MYT1L: variants seen among roughly 807,000 people sequenced by gnomAD.
MYT1L encodes myelin transcription factor 1 like, also known as myelin transcription factor 1-like protein.
In MYT1L, 12 loss-of-function variants were observed where a neutral mutation model predicts 126.7. The ratio of observed to expected loss-of-function variants is 0.09; its 90% confidence interval spans 0.06 to 0.15. The LOEUF is 0.15. Ranked by LOEUF, MYT1L falls within the 10% of genes least tolerant of loss-of-function variation. The pLI, the probability that MYT1L is intolerant of heterozygous loss-of-function variation, is 1.00. For synonymous variants in MYT1L, 541 were observed against 604.2 expected, an observed-to-expected ratio of 0.90 and a Z score of 1.53; for missense variants, 979 against 1,585.2, an observed-to-expected ratio of 0.62 and a Z score of 6.49.
chr2:2,057,316 C>G (rs1002136306), intron 3 of MYT1L, among the ~76,000 whole-genome samples: 2 of 151,436 alleles, frequency 1.3e-5, no homozygotes, highest in African/African-American at 4.9e-5. Context: ...TTCATCACCA[C>G]GCCCACTCCC....
At chr2:2,313,517 T>C (rs574091062) in intron 1 of MYT1L, among the ~76,000 whole-genome samples, 4 of 91,562 alleles carry the variant, frequency 4.4e-5, no homozygotes, top group South Asian at 4.2e-4. Context: ...AAAATACCTG[T>C]TTTTTTTTTT....
In MYT1L at chr2:1,810,709, A is replaced by G. The variant is rs377674858; in HGVS notation, c.3081-1542T>C. On this transcript the variant is annotated intron_variant, in intron 21 of 24. Transcript: ENST00000647738. ...AAAATTTAAGAAAACAGGAAAATTC[A>G]TAGCAGAAGAACTTGATCGTAATAC... Among the ~76,000 whole-genome samples, 13 of 152,356 alleles carry G rather than the reference A, an allele frequency of 8.5e-5. No homozygotes were observed. The East Asian group carries it at 1.7e-3, about 20-fold the overall frequency.
chr2:1,984,028 GAAT>G (rs2060814807), intron 5 of MYT1L, among the ~76,000 whole-genome samples: 9 of 152,184 alleles, frequency 5.9e-5, no homozygotes, highest in Admixed American at 5.9e-4. Context: ...TGAATTTAAG[GAAT>G]CTATTTTGAG....
chr2:2,272,046 C>T (rs1383383984), intron 2 of MYT1L, among the ~76,000 whole-genome samples: 1 of 152,234 alleles, frequency 6.6e-6, no homozygotes, highest in Admixed American at 6.5e-5. Flanking sequence ...GAGGCCTCGC[C>T]CCACCCAGCA....
intron 21 of MYT1L, among the ~76,000 whole-genome samples, chr2:1,815,240 G>A (rs1323215256): frequency 1.3e-5 from 2 of 152,182 alleles, no homozygotes; most frequent in East Asian, 3.9e-4. Flanking sequence ...AGGCCCCTCT[G>A]CGGCTGGGCT....
intron 3 of MYT1L, among the ~76,000 whole-genome samples, chr2:2,121,718 C>A (rs190292208): frequency 6.6e-6 from 1 of 151,228 alleles, no homozygotes; most frequent in East Asian, 2.0e-4. Context: ...AACTGCTGAC[C>A]TCGTGATCCG....
chr2:2,027,746 C>G (rs1428493902), intron 4 of MYT1L, among the ~76,000 whole-genome samples: 1 of 152,176 alleles, frequency 6.6e-6, no homozygotes. Context: ...ACTGGGCCAC[C>G]TGGGTGACAT....
chr2:1,880,329 AG>A, intron 18 of MYT1L, among the ~76,000 whole-genome samples: 1 of 152,188 alleles, frequency 6.6e-6, no homozygotes, highest in South Asian at 2.1e-4. Flanking sequence ...GGTAAGATGG[AG>A]AAAGCTCTTT....
At chr2:2,145,507 T>C (rs1385178503) in intron 3 of MYT1L, among the ~76,000 whole-genome samples, 1 of 151,928 alleles carries the variant, frequency 6.6e-6, no homozygotes, top group East Asian at 1.9e-4. Flanking sequence ...ATACAAAGGG[T>C]GTCCACAAGG....
At chr2:1,997,498 C>T (rs1003416830) in intron 4 of MYT1L, among the ~76,000 whole-genome samples, 151 bp from the exon 5 acceptor site, 11 of 152,246 alleles carry the variant, frequency 7.2e-5, no homozygotes, top group Admixed American at 5.9e-4. Context: ...CCATGAGCAA[C>T]GCATTCCCCT....
chr2:1,886,013 T>C (rs1009799760), intron 18 of MYT1L, among the ~76,000 whole-genome samples: 1 of 152,238 alleles, frequency 6.6e-6, no homozygotes, highest in Non-Finnish European at 1.5e-5. Context: ...ATGATGTGTG[T>C]CTGGTTGAAT....
At position 1,911,955 on chromosome 2, in the gene MYT1L, G is replaced by C. The variant is rs1349114419; in HGVS notation, c.1709+65C>G. The C allele has an allele frequency of 3.1e-6, 4 of 1,304,962 alleles. No homozygotes were observed. In the African/African-American group the frequency reaches 4.4e-5, roughly 14 times the overall value. 80.8% of individuals were successfully genotyped at this position (1,304,962 alleles called of 1,614,324 possible). ...CATATGGAGCGTGGTAGGCCCCCCA[G>C]GAAGGAGAAGGCATGGAGAGCAGCC... On this transcript the variant is annotated intron_variant, in intron 12 of 24. Coordinates refer to ENST00000647738, the MANE Select transcript of MYT1L (RefSeq NM_001303052.2).
chr2:2,317,670 TG>T (rs911102691), intron 1 of MYT1L, among the ~76,000 whole-genome samples: 77 of 152,302 alleles, frequency 5.1e-4, no homozygotes, highest in African/African-American at 1.8e-3. Flanking sequence ...TGGAAAGTAA[TG>T]GAAAAATGAA....
At chr2:1,947,526 C>T (rs1310664493) in intron 8 of MYT1L, among the ~76,000 whole-genome samples, 4 of 152,148 alleles carry the variant, frequency 2.6e-5, no homozygotes, top group African/African-American at 4.8e-5. Context: ...ATGTCTGGGC[C>T]ATCGAGGCGT....
intron 18 of MYT1L, among the ~76,000 whole-genome samples, chr2:1,855,188 C>A (rs2043759659): frequency 6.6e-6 from 1 of 152,170 alleles, no homozygotes. Flanking sequence ...GTTCTGAAGT[C>A]GATGGATGGG....
At chr2:2,154,418 T>C (rs1395701487) in intron 3 of MYT1L, among the ~76,000 whole-genome samples, 2 of 152,162 alleles carry the variant, frequency 1.3e-5, no homozygotes, top group African/African-American at 4.8e-5. Context: ...AGCAAAGACA[T>C]GGAATCAACC....
intron 23 of MYT1L, among the ~76,000 whole-genome samples, chr2:1,796,548 C>T (rs1281117738): frequency 6.6e-6 from 1 of 152,196 alleles, no homozygotes; most frequent in Non-Finnish European, 1.5e-5. Context: ...TCCATCTGGG[C>T]CCTCGCACCA....
At chr2:2,277,698 C>A (rs1007961543) in intron 2 of MYT1L, among the ~76,000 whole-genome samples, 1 of 152,030 alleles carries the variant, frequency 6.6e-6, no homozygotes, top group Non-Finnish European at 1.5e-5. Context: ...AGTTACTGCC[C>A]TTCAGGTGTT....
chr2:1,977,773 G>A (rs545115123), intron 8 of MYT1L, among the ~76,000 whole-genome samples: 6 of 152,160 alleles, frequency 3.9e-5, no homozygotes, highest in East Asian at 1.9e-4. Flanking sequence ...GAGATGATTA[G>A]GGGAAAATGA....
Sources: gnomAD v4.1 joint callset for allele counts (sites outside exome capture counted in the v4.1 genomes callset) on GRCh38, gnomAD v4.1.1 for gene constraint, MANE v1.5 for transcripts, NCBI Gene and HGNC (gene_info 2026-07-23, HGNC 2026-07-21) for gene names.